EGFLAM: variants seen among roughly 807,000 people sequenced by gnomAD.
EGFLAM encodes the protein pikachurin.
EGFLAM carries 79 observed loss-of-function variants against 113.1 expected under a neutral mutation model. That is an observed-to-expected ratio of 0.70 (90% CI 0.58 to 0.84). EGFLAM has a LOEUF of 0.84. Ranked by LOEUF, EGFLAM falls within the 40% of genes least tolerant of loss-of-function variation. EGFLAM has a pLI of 0.00. For synonymous variants in EGFLAM, 504 were observed against 487.6 expected (o/e 1.03, Z -0.44); for missense variants, 1,265 against 1,291.6 (o/e 0.98, Z 0.32).
At chr5:38,428,009 A>G (rs1222462617) in intron 14 of EGFLAM, among the ~76,000 whole-genome samples, 1 of 152,152 alleles carries the variant, frequency 6.6e-6, no homozygotes, top group African/African-American at 2.4e-5. Flanking sequence ...TATGTCTCCC[A>G]TCTTTTTATT....
chr5:38,387,115 C>A (rs2589766), intron 6 of EGFLAM, among the ~76,000 whole-genome samples: 8 of 151,892 alleles, frequency 5.3e-5, no homozygotes, highest in Admixed American at 5.2e-4. Flanking sequence ...GTTTTCTGGG[C>A]TGAGTGTGGA....
At chr5:38,462,111 G>GTGAGCC (rs1220891345) in intron 20 of EGFLAM, among the ~76,000 whole-genome samples, 2 of 152,196 alleles carry the variant, frequency 1.3e-5, no homozygotes, top group Admixed American at 1.3e-4. Flanking sequence ...GGAGCCTGCA[G>GTGAGCC]TGAGCCGAGA....
In EGFLAM at chr5:38,451,337, G is replaced by A; in HGVS notation, c.2566G>A (p.Val856Met). 6.2e-7 allele frequency: 1 copy of A among 1,614,122 alleles called. No individual in the cohort carries two copies. Among genetic ancestry groups the A allele is most frequent in the Admixed American group, 1.7e-5 (1 of 60,022 alleles). Residue 856 changes from valine to methionine, a missense_variant, in exon 19 of 22, where the codon GTG (valine) becomes ATG (methionine). Transcript: ENST00000322350. ...CAGGGTGTCAGGATCAAGATCAAATGTGTTCATGAGGTTTAAAACAACTGC... is the reference window on the plus strand; with the variant it reads ...CAGGGTGTCAGGATCAAGATCAAATATGTTCATGAGGTTTAAAACAACTGC... Reference protein sequence around the residue: ...LKRVSGSRSNVFMRFKTTAKD... With the variant: ...LKRVSGSRSNMFMRFKTTAKD...
intron 16 of EGFLAM, 74 bp downstream of exon 16, chr5:38,435,327 G>T (rs1742310279): frequency 9.1e-7 from 1 of 1,101,882 alleles, no homozygotes; most frequent in Admixed American, 2.0e-5. Flanking sequence ...TATGATCAGT[G>T]TCATCTGCTG....
intron 12 of EGFLAM, among the ~76,000 whole-genome samples, chr5:38,420,360 T>G (rs2112169850): frequency 6.6e-6 from 1 of 152,366 alleles, no homozygotes; most frequent in East Asian, 1.9e-4. Context: ...GCTGTCACTA[T>G]GGTAGGACAA....
At chr5:38,281,556 A>G (rs1463254380) in intron 1 of EGFLAM, among the ~76,000 whole-genome samples, 1 of 152,168 alleles carries the variant, frequency 6.6e-6, no homozygotes, top group Non-Finnish European at 1.5e-5. Context: ...GTAATGTGTC[A>G]TATTATGTTT....
intron 5 of EGFLAM, among the ~76,000 whole-genome samples, chr5:38,365,647 AAGG>A (rs1449145525): frequency 2.0e-5 from 3 of 152,176 alleles, no homozygotes; most frequent in Non-Finnish European, 4.4e-5. Flanking sequence ...TGTTTTTTAA[AAGG>A]AGAAGTAGAA....
At chr5:38,286,333 C>T (rs1291048651) in intron 1 of EGFLAM, 1 of 152,258 alleles carries the variant, frequency 6.6e-6, no homozygotes, top group African/African-American at 2.4e-5. Flanking sequence ...GGCCGCATCT[C>T]ATTTCTGCTT....
intron 1 of EGFLAM, among the ~76,000 whole-genome samples, chr5:38,276,764 G>T (rs888029965): frequency 2.0e-5 from 3 of 151,938 alleles, no homozygotes. Flanking sequence ...GAAACACAAA[G>T]ATCACAAGAG....
chr5:38,345,317 A>G (rs1196172589), intron 3 of EGFLAM: 1 of 152,262 alleles, frequency 6.6e-6, no homozygotes, highest in East Asian at 1.9e-4. Context: ...AATGCTATAT[A>G]AATGAAAACT....
chr5:38,451,229 C>T lies in EGFLAM; in HGVS notation c.2544-86C>T, dbSNP rs183198566. On this transcript the variant is annotated intron_variant, in intron 18 of 21. Coordinates refer to ENST00000322350, the MANE Select transcript of EGFLAM (RefSeq NM_152403.4). ...TGCCAGACTATCCTTACATCTGGTT[C>T]CTCAGGGCTGGCAGACAAAACTGGA... 1.1e-3 allele frequency: 1,712 copies of T among 1,547,822 alleles called. 1 individual carries two copies. Among genetic ancestry groups the T allele is most frequent in the Non-Finnish European group, 1.4e-3 (1,558 of 1,139,394 alleles).
chr5:38,354,607 G>A (rs1295899117), intron 5 of EGFLAM, among the ~76,000 whole-genome samples: 1 of 152,030 alleles, frequency 6.6e-6, no homozygotes, highest in Non-Finnish European at 1.5e-5. Flanking sequence ...GCGGGTACCT[G>A]TAATCCCACC....
chr5:38,354,260 A>C (rs1436451098), intron 5 of EGFLAM, among the ~76,000 whole-genome samples: 1 of 152,188 alleles, frequency 6.6e-6, no homozygotes, highest in Admixed American at 6.5e-5. Flanking sequence ...TCCCTAAAAA[A>C]AAAAGATTCT....
chr5:38,362,779 G>A (rs940357607), intron 5 of EGFLAM, among the ~76,000 whole-genome samples: 1 of 152,166 alleles, frequency 6.6e-6, no homozygotes, highest in African/African-American at 2.4e-5. Context: ...CTTTGCTCAG[G>A]CCCTAATGGA....
chr5:38,353,578 T>C (rs1273147184), intron 5 of EGFLAM, among the ~76,000 whole-genome samples: 1 of 152,216 alleles, frequency 6.6e-6, no homozygotes, highest in Admixed American at 6.5e-5. Flanking sequence ...AGAGGTGAGG[T>C]ACTGCACAGA....
At chr5:38,321,239 C>G (rs1252788331) in intron 1 of EGFLAM, among the ~76,000 whole-genome samples, 3 of 152,106 alleles carry the variant, frequency 2.0e-5, no homozygotes, top group Admixed American at 6.5e-5. Context: ...AACCTAGATT[C>G]CTTACATGCA....
chr5:38,421,768 A>T (rs1038990281), intron 12 of EGFLAM, among the ~76,000 whole-genome samples: 5 of 152,086 alleles, frequency 3.3e-5, no homozygotes, highest in Non-Finnish European at 7.4e-5. Flanking sequence ...TTCTCAGAAG[A>T]GGAAGTTAAT....
intron 1 of EGFLAM, among the ~76,000 whole-genome samples, chr5:38,323,071 G>A (rs374917716): frequency 3.3e-5 from 5 of 152,058 alleles, no homozygotes; most frequent in African/African-American, 1.2e-4. Flanking sequence ...TTTCCTATTC[G>A]GAATTTTCTG....
Position 38,438,412 on chromosome 5 carries a change from CTG to C in EGFLAM, c.2424_2425del (p.Cys808Ter). 1 of 1,613,756 alleles carries C rather than the reference CTG, an allele frequency of 6.2e-7. No homozygotes were observed. Among genetic ancestry groups the C allele is most frequent in the Non-Finnish European group, 8.5e-7 (1 of 1,179,830 alleles). On this transcript the variant is annotated frameshift_variant, in exon 17 of 22. Transcript: ENST00000322350. LOFTEE classifies it high-confidence loss of function. ...SCRPRKEGYDCDCPLGFEGLH... is the reference protein window; with the variant it reads ...SCRPRKEGYDXDCPLGFEGLH... ...GCCGGCCCAGGAAGGAGGGCTATGA[CTG>C]TGACTGCCCCTTGGGCTTTGAGGGG...
Sources: gnomAD v4.1 joint callset for allele counts (sites outside exome capture counted in the v4.1 genomes callset) on GRCh38, gnomAD v4.1.1 for gene constraint, MANE v1.5 for transcripts, NCBI Gene and HGNC (gene_info 2026-07-23, HGNC 2026-07-21) for gene names.